Variants in TRIO observed in about 807,000 individuals in gnomAD.
TRIO encodes triple functional domain protein.
TRIO carries 58 observed loss-of-function variants against 351.9 expected under a neutral mutation model. The ratio of observed to expected loss-of-function variants is 0.16; its 90% CI spans 0.13 to 0.21. The LOEUF is 0.21. Among genes scored for constraint, TRIO ranks in the 10% least tolerant of loss-of-function variants. TRIO has a pLI of 1.00. For missense variants in TRIO, 3,201 were observed against 4,027.8 expected, an observed-to-expected ratio of 0.79 and a Z score of 5.56; for synonymous variants, 1,758 against 1,595.7, an observed-to-expected ratio of 1.10 and a Z score of -2.42.
rs1230316856 is a variant in TRIO, at chr5:14,339,129, T to C, written c.2046+2402T>C. Among the ~76,000 whole-genome samples, 6 of 151,978 alleles carry C rather than the reference T, an allele frequency of 3.9e-5. No homozygotes were observed. In the East Asian group the frequency reaches 9.6e-4, roughly 24 times the overall value. ...GGTGGCACCTGTAGTCCCATCTACTTGGGAGGCTGAGGCAGGAGGGTCACT... is the reference window on the plus strand; with the variant it reads ...GGTGGCACCTGTAGTCCCATCTACTCGGGAGGCTGAGGCAGGAGGGTCACT... On this transcript the variant is annotated intron_variant, in intron 11 of 56. Transcript: ENST00000344204.
chr5:14,328,383 C>T (rs1166788764), intron 9 of TRIO, among the ~76,000 whole-genome samples: 1 of 152,200 alleles, frequency 6.6e-6, no homozygotes, highest in Non-Finnish European at 1.5e-5. Flanking sequence ...GTAATGTGCA[C>T]TCAATGCACT....
chr5:14,308,719 G>GTGCATCCATCCA (rs1554052771), intron 8 of TRIO, among the ~76,000 whole-genome samples: 1 of 124,990 alleles, frequency 8.0e-6, no homozygotes, highest in African/African-American at 3.7e-5. Flanking sequence ...CCATTCATTT[G>GTGCATCCATCCA]TCCATCCATC....
intron 34 of TRIO, among the ~76,000 whole-genome samples, chr5:14,453,422 C>T (rs553322987): frequency 3.1e-4 from 47 of 152,322 alleles, no homozygotes; most frequent in African/African-American, 1.1e-3. Flanking sequence ...CCTGCAGTTA[C>T]AAATCTAATT....
chr5:14,417,538 T>G (rs1265334137), intron 33 of TRIO, among the ~76,000 whole-genome samples: 1 of 152,192 alleles, frequency 6.6e-6, no homozygotes, highest in East Asian at 1.9e-4. Flanking sequence ...TCTCTGGGTG[T>G]GGGCTTGTGC....
chr5:14,353,142 G>A (rs1438613289), intron 11 of TRIO, among the ~76,000 whole-genome samples: 2 of 151,974 alleles, frequency 1.3e-5, no homozygotes, highest in African/African-American at 4.8e-5. Flanking sequence ...ATCTAGAGAA[G>A]GAAGATTTTA....
At chr5:14,239,277 C>T (rs1174075739) in intron 1 of TRIO, among the ~76,000 whole-genome samples, 1 of 152,146 alleles carries the variant, frequency 6.6e-6, no homozygotes, top group Non-Finnish European at 1.5e-5. Context: ...TCCCCTCCCC[C>T]CCATTCTTAG....
intron 18 of TRIO, 57 bp from the exon 19 acceptor site, chr5:14,374,172 C>A: frequency 7.3e-7 from 1 of 1,375,970 alleles, no homozygotes; most frequent in Middle Eastern, 1.8e-4. Context: ...ATGTGTACTC[C>A]AAATACACGT....
chr5:14,400,659 C>T (rs563009881), intron 30 of TRIO, among the ~76,000 whole-genome samples: 14 of 152,126 alleles, frequency 9.2e-5, no homozygotes, highest in Non-Finnish European at 1.6e-4. Flanking sequence ...TGCAAATAGT[C>T]GAATCTTGAT....
intron 12 of TRIO, among the ~76,000 whole-genome samples, chr5:14,358,758 C>T (rs1013959831): frequency 7.9e-5 from 12 of 152,150 alleles, no homozygotes; most frequent in South Asian, 2.1e-4. Flanking sequence ...CTGCATGGGG[C>T]GGACACCCAC....
chr5:14,283,341 C>T (rs551922944), intron 3 of TRIO, among the ~76,000 whole-genome samples: 48 of 152,314 alleles, frequency 3.2e-4, no homozygotes, highest in African/African-American at 1.1e-3. Flanking sequence ...CTCAGTTAGA[C>T]AGTCACAGGG....
At chr5:14,180,263 C>G (rs1441192348) in intron 1 of TRIO, among the ~76,000 whole-genome samples, 1 of 152,034 alleles carries the variant, frequency 6.6e-6, no homozygotes, top group Non-Finnish European at 1.5e-5. Context: ...ATTTCCAAAC[C>G]GATCATTAGA....
chr5:14,282,939 A>G (rs1736128938), intron 3 of TRIO, among the ~76,000 whole-genome samples: 1 of 152,188 alleles, frequency 6.6e-6, no homozygotes, highest in African/African-American at 2.4e-5. Context: ...GTGATAATGG[A>G]GAAAGATTTC....
chr5:14,454,419 GAATA>G (rs1236196804), intron 34 of TRIO, among the ~76,000 whole-genome samples: 1 of 152,164 alleles, frequency 6.6e-6, no homozygotes, highest in Non-Finnish European at 1.5e-5. Flanking sequence ...TATCATCTTT[GAATA>G]AATAATTCAC....
intron 1 of TRIO, among the ~76,000 whole-genome samples, chr5:14,224,150 T>C (rs1257184823): frequency 6.6e-6 from 1 of 152,144 alleles, no homozygotes; most frequent in Non-Finnish European, 1.5e-5. Context: ...TTCTTGATTC[T>C]TTTAATGGAA....
At chr5:14,290,506 G>A (rs1434497805) in intron 4 of TRIO, among the ~76,000 whole-genome samples, 1 of 152,138 alleles carries the variant, frequency 6.6e-6, no homozygotes, top group Non-Finnish European at 1.5e-5. Context: ...TGACATATAT[G>A]TGTTGCTATA....
intron 20 of TRIO, 135 bp downstream of exon 20, chr5:14,378,262 AGTTT>A: frequency 1.6e-6 from 1 of 608,348 alleles, no homozygotes; most frequent in South Asian, 2.6e-5. Flanking sequence ...CTTCTAGTTA[AGTTT>A]GTTATAAAAA....
intron 1 of TRIO, among the ~76,000 whole-genome samples, chr5:14,155,802 C>A (rs1002282175): frequency 3.5e-4 from 54 of 152,168 alleles, no homozygotes; most frequent in African/African-American, 1.2e-3. Context: ...GGTCTCTCCA[C>A]CCTATTTGTC....
chr5:14,300,835 A>G (rs538585206), intron 7 of TRIO, among the ~76,000 whole-genome samples: 142 of 152,354 alleles, frequency 9.3e-4, no homozygotes, highest in African/African-American at 3.3e-3. Context: ...TATTCTTATA[A>G]AAGTTCACTT....
chr5:14,378,711 C>G (rs187803764), intron 20 of TRIO, among the ~76,000 whole-genome samples: 1 of 152,206 alleles, frequency 6.6e-6, no homozygotes, highest in Admixed American at 6.5e-5. Flanking sequence ...AGGCGTCCAC[C>G]ACCACGCCTG....
Sources: allele counts gnomAD v4.1 joint callset (sites outside exome capture counted in the v4.1 genomes callset), GRCh38; gene constraint gnomAD v4.1.1; transcripts MANE v1.5; gene names NCBI Gene and HGNC (gene_info 2026-07-23, HGNC 2026-07-21).